Variants in GSPT1 observed in about 807,000 individuals in gnomAD.
The protein encoded by GSPT1 is G1 to S phase transition 1.
GSPT1 carries 20 observed loss-of-function variants against 72.5 expected under a neutral mutation model. That is an observed-to-expected ratio of 0.28 (90% CI 0.19 to 0.40). The LOEUF (loss-of-function observed/expected upper bound fraction) is 0.40. GSPT1 is among the 10% of genes least tolerant of loss of function. The probability of loss-of-function intolerance (pLI) is 1.00; values close to 1 mark genes in which losing one functional copy is unlikely to be tolerated. For missense variants in GSPT1, 580 were observed against 811.9 expected (o/e 0.71, Z 3.47); for synonymous variants, 334 against 293.5 (o/e 1.14, Z -1.41).
At chr16:11,891,955 G>A (rs1442967647) in intron 5 of GSPT1, among the ~76,000 whole-genome samples, 1 of 151,554 alleles carries the variant, frequency 6.6e-6, no homozygotes, top group Non-Finnish European at 1.5e-5. Flanking sequence ...GAACCACCAC[G>A]CCTGGCCAGA....
At chr16:11,901,099 A>T (rs939499731) in intron 1 of GSPT1, among the ~76,000 whole-genome samples, 1 of 152,170 alleles carries the variant, frequency 6.6e-6, no homozygotes. Context: ...CAAGGTTGCA[A>T]TGAGACCTGA....
At chr16:11,907,371 T>C (rs961095499) in intron 1 of GSPT1, among the ~76,000 whole-genome samples, 3 of 152,240 alleles carry the variant, frequency 2.0e-5, no homozygotes, top group Non-Finnish European at 2.9e-5. Flanking sequence ...TTAGCTTTAC[T>C]GAGCCTTTAT....
At chr16:11,887,458 CATT>C (rs763090020) in intron 7 of GSPT1, 109 bp downstream of exon 7, 35 of 820,342 alleles carry the variant, frequency 4.3e-5, no homozygotes, top group Non-Finnish European at 5.6e-5. Flanking sequence ...CCGTGTACAT[CATT>C]ATATTTCACT....
chr16:11,903,642 G>T (rs1208894992), intron 1 of GSPT1, among the ~76,000 whole-genome samples: 1 of 152,186 alleles, frequency 6.6e-6, no homozygotes, highest in African/African-American at 2.4e-5. Flanking sequence ...AGTGAACCAA[G>T]ATCGCACCAC....
At position 11,876,194 on chromosome 16, in the gene GSPT1, C is replaced by CAT; in HGVS notation, c.1603-21_1603-20dup. On this transcript the variant is annotated intron_variant, in intron 12 of 14. Coordinates refer to ENST00000434724, the MANE Select transcript of GSPT1 (RefSeq NM_002094.4). Reference sequence around the variant, plus strand: ...TCACTATCTGTCAAACAAACACACACATTCTTATCTTTAGCCTTAGGGTAA... The same window carrying CAT: ...TCACTATCTGTCAAACAAACACACACATATTCTTATCTTTAGCCTTAGGGTAA... The CAT allele has an allele frequency of 7.0e-7, 1 of 1,435,842 alleles. No individual in the cohort carries two copies. The highest frequency in any genetic ancestry group is 9.8e-7 in the Non-Finnish European group (1 of 1,018,118). The allele number at this position is 1,435,842 out of a possible 1,614,324, so 88.9% of individuals were successfully genotyped here. A position where few individuals can be genotyped will look rare whatever the true frequency, so the allele number is the denominator to read the frequency against.
rs1384740457 is a variant in GSPT1 at position 11,869,679 on chromosome 16, C to T, written c.*3440G>A. 1.3e-5 allele frequency: 2 copies of T among 152,218 alleles called. No homozygotes were observed. Among genetic ancestry groups the T allele is most frequent in the African/African-American group, 4.8e-5 (2 of 41,446 alleles). 9.4% of individuals were successfully genotyped at this position (152,218 alleles called of 1,614,324 possible). Reference sequence around the variant, plus strand: ...CTACCCAAAGCAATGAAGCTATCATCCATGAAGTAGCAGTCCATGAGGAAG... The same window carrying T: ...CTACCCAAAGCAATGAAGCTATCATTCATGAAGTAGCAGTCCATGAGGAAG... On this transcript the variant is annotated 3_prime_UTR_variant, in exon 15 of 15. Transcript: ENST00000434724.
At position 11,872,437 on chromosome 16, in the gene GSPT1, T is replaced by G. The variant is rs905532160; in HGVS notation, c.*682A>C. ...AGACCTAGTAAAGCAGTGTCACATTTGCATAAAGGGATTTAACTGCATGTA... is the reference window on the plus strand; with the variant it reads ...AGACCTAGTAAAGCAGTGTCACATTGGCATAAAGGGATTTAACTGCATGTA... On this transcript the variant is annotated 3_prime_UTR_variant, in exon 15 of 15. Transcript: ENST00000434724. 2.6e-5 allele frequency: 4 copies of G among 152,092 alleles called. No homozygotes were observed. Among genetic ancestry groups the G allele is most frequent in the Non-Finnish European group, 5.9e-5 (4 of 68,004 alleles). 9.4% of individuals were successfully genotyped at this position (152,092 alleles called of 1,614,324 possible). A position where few individuals can be genotyped will look rare whatever the true frequency, so the allele number is the denominator to read the frequency against.
chr16:11,876,233 G>A, intron 12 of GSPT1, 58 bp from the exon 13 acceptor site: 10 of 1,027,724 alleles, frequency 9.7e-6, no homozygotes, highest in Admixed American at 1.7e-5. Flanking sequence ...AGAATTCAAT[G>A]TTCTCAAGCG....
chr16:11,911,852 G>GTTTTTTTT (rs1248759113), intron 1 of GSPT1, among the ~76,000 whole-genome samples: 7 of 60,408 alleles, frequency 1.2e-4, no homozygotes, highest in Admixed American at 2.4e-4. Context: ...GCACCCAGCT[G>GTTTTTTTT]TATTTTTTTT....
At chr16:11,889,495 G>A (rs146265193) in intron 6 of GSPT1, among the ~76,000 whole-genome samples, 24,302 of 147,858 alleles carry the variant, frequency 0.16, 2,500 homozygotes, top group Non-Finnish European at 0.24. Flanking sequence ...CCACCACCAC[G>A]CCCGGCTACT....
chr16:11,882,934 G>GTGACAGAAGAAGACCC (rs2054139263), intron 11 of GSPT1, 81 bp downstream of exon 11: 2 of 864,142 alleles, frequency 2.3e-6, no homozygotes, highest in Non-Finnish European at 3.8e-6. Flanking sequence ...TCCTGCCTCG[G>GTGACAGAAGAAGACCC]TGACAGAAGA....
intron 1 of GSPT1, among the ~76,000 whole-genome samples, chr16:11,910,117 G>GT (rs1255536284): frequency 6.6e-6 from 1 of 151,992 alleles, no homozygotes; most frequent in Non-Finnish European, 1.5e-5. Context: ...TAAGTAAAAA[G>GT]TTTTTTAAAA....
At chr16:11,885,071 A>C (rs1273627850) in intron 10 of GSPT1, 110 bp downstream of exon 10, 8 of 618,394 alleles carry the variant, frequency 1.3e-5, no homozygotes, top group African/African-American at 1.9e-5. Context: ...TTCTGTCAAA[A>C]AAAAAACAAG....
intron 1 of GSPT1, among the ~76,000 whole-genome samples, chr16:11,911,788 G>A (rs2054560558): frequency 1.3e-5 from 2 of 149,294 alleles, no homozygotes; most frequent in African/African-American, 4.9e-5. Flanking sequence ...CTGACCTCAG[G>A]TGATCCGTCC....
chr16:11,896,472 G>C (rs2054340476), intron 4 of GSPT1, 86 bp downstream of exon 4: 4 of 778,514 alleles, frequency 5.1e-6, no homozygotes, highest in Non-Finnish European at 8.2e-6. Flanking sequence ...ATTTCCTTCA[G>C]TTTCACTAAA....
intron 10 of GSPT1, among the ~76,000 whole-genome samples, chr16:11,884,304 T>C (rs1489449876): frequency 6.6e-6 from 1 of 152,096 alleles, no homozygotes; most frequent in Non-Finnish European, 1.5e-5. Flanking sequence ...AATAAGAAAA[T>C]CCTTTGAGCC....
rs927240439 is a variant in GSPT1, at chr16:11,886,839, T to C, written c.1050A>G (p.Val350=). ...TATTAATTAGCACAATTAGGTGTTTTACACCTGCTGTCTTTGCCAACATTG... is the reference window on the plus strand; with the variant it reads ...TATTAATTAGCACAATTAGGTGTTTCACACCTGCTGTCTTTGCCAACATTG... The part of the protein sequence containing the change: ...EHAMLAKTAG[V]KHLIVLINKM... The change falls in exon 8 of 15, where the codon GTA becomes GTG. Residue 350 remains valine, a synonymous_variant. Transcript: ENST00000434724. 2.5e-6 allele frequency: 4 copies of C among 1,612,316 alleles called. No individual in the cohort carries two copies.
intron 1 of GSPT1, chr16:11,903,839 T>C (rs2054449656): frequency 6.6e-6 from 1 of 152,336 alleles, no homozygotes; most frequent in African/African-American, 2.4e-5. Flanking sequence ...TTAGCCCACA[T>C]ATTCATGTGT....
Position 11,871,741 on chromosome 16 carries a change from AT to A in GSPT1, c.*1377del, listed in dbSNP as rs1375485063. On this transcript the variant is annotated 3_prime_UTR_variant, in exon 15 of 15. Coordinates refer to ENST00000434724, the MANE Select transcript of GSPT1 (RefSeq NM_002094.4). Reference sequence around the variant, plus strand: ...ATCTAAAAGAGGCTATCTTTGATCAATGGCAACACTCAACATCAAGGGGGCT... The same window carrying A: ...ATCTAAAAGAGGCTATCTTTGATCAAGGCAACACTCAACATCAAGGGGGCT... 6.6e-6 allele frequency: 1 copy of A among 152,192 alleles called. No individual in the cohort carries two copies. The highest frequency in any genetic ancestry group is 1.5e-5 in the Non-Finnish European group (1 of 68,032). 9.4% of individuals were successfully genotyped at this position (152,192 alleles called of 1,614,324 possible).
Sources: allele counts gnomAD v4.1 joint callset (sites outside exome capture counted in the v4.1 genomes callset), GRCh38; gene constraint gnomAD v4.1.1; transcripts MANE v1.5; gene names NCBI Gene and HGNC (gene_info 2026-07-23, HGNC 2026-07-21).